ITIH4: variants seen among roughly 807,000 people sequenced by gnomAD.
The protein encoded by ITIH4 is inter-alpha-trypsin inhibitor heavy chain H4.
ITIH4 carries 79 observed loss-of-function variants against 111.8 expected under a neutral mutation model. The observed-to-expected ratio is 0.71, with a 90% confidence interval of 0.59 to 0.85. The LOEUF (loss-of-function observed/expected upper bound fraction) is 0.85, where lower values mean the gene tolerates loss of function less well. Ranked by LOEUF, ITIH4 falls within the 40% of genes least tolerant of loss-of-function variation. ITIH4 has a pLI of 0.00. For synonymous variants in ITIH4, 472 were observed against 468.3 expected, an observed-to-expected ratio of 1.01 and a Z score of -0.10; for missense variants, 1,065 against 1,195.8, an observed-to-expected ratio of 0.89 and a Z score of 1.61.
At position 52,829,265 on chromosome 3, in the gene ITIH4, G is replaced by C. The variant is rs768303822; in HGVS notation, c.105C>G (p.Ile35Met). 5.0e-6 allele frequency: 8 copies of C among 1,611,102 alleles called. No individual in the cohort carries two copies. The highest frequency in any genetic ancestry group is 6.8e-6 in the Non-Finnish European group (8 of 1,177,588). ...CCCTGGAGTCCACGGTGAGGCTGTA[G>C]ATGTCGATGCCATTCTGGACCAGCA... is the stretch of plus-strand genomic sequence containing the variant. ...TTTAEKNGID[I>M]YSLTVDSRVS... Residue 35 changes from isoleucine to methionine, a missense_variant, in exon 2 of 24, where the codon ATC becomes ATG. Physicochemically the swap from Ile to Met is conservative, Grantham distance 10. Coordinates refer to ENST00000266041, the MANE Select transcript of ITIH4 (RefSeq NM_002218.5).
chr3:52,826,821 C>T lies in ITIH4; in HGVS notation c.489G>A (p.Val163=). The T allele has an allele frequency of 6.2e-7, 1 of 1,613,826 alleles. No individual in the cohort carries two copies. The highest frequency in any genetic ancestry group is 8.5e-7 in the Non-Finnish European group (1 of 1,180,022). Residue 163 remains valine (V), a synonymous_variant, in exon 4 of 24, where the codon GTG becomes GTA. Coordinates refer to ENST00000266041, the MANE Select transcript of ITIH4 (RefSeq NM_002218.5). Reference sequence around the variant, plus strand: ...GGTGCTTGACCAGCTGCTGGGGCCGCACTTTCAGCAGCAGCTCGTACACCC... The same window carrying T: ...GGTGCTTGACCAGCTGCTGGGGCCGTACTTTCAGCAGCAGCTCGTACACCC... ...RLGVYELLLK[V]RPQQLVKHLQ...
At position 52,820,066 on chromosome 3, in the gene ITIH4, T is replaced by C. The variant is rs2535616; in HGVS notation, c.1862-76A>G. 0.033 allele frequency: 49,646 copies of C among 1,499,812 alleles called. 7,223 individuals are homozygous for C. The African/African-American group carries it at 0.36, about 11-fold the overall frequency. 92.9% of individuals were successfully genotyped at this position (1,499,812 alleles called of 1,614,324 possible). A position where few individuals can be genotyped will look rare whatever the true frequency, so the allele number is the denominator to read the frequency against. On this transcript the variant is annotated intron_variant, in intron 14 of 23. Coordinates refer to ENST00000266041, the MANE Select transcript of ITIH4 (RefSeq NM_002218.5). ...CCCCACTTGGATGGGGACTGTATTC[T>C]TAGTGCTGGGGACAGGGCCTGAGGC... is the stretch of plus-strand genomic sequence containing the variant.
intron 11 of ITIH4, 152 bp downstream of exon 11, chr3:52,823,404 T>C (rs1700421172): frequency 4.7e-6 from 3 of 639,906 alleles, no homozygotes; most frequent in Non-Finnish European, 8.1e-6. Context: ...ATCACTCCAT[T>C]GTCTCATTGA....
intron 11 of ITIH4, 29 bp downstream of exon 11, chr3:52,823,527 C>T (rs905292169): frequency 6.4e-7 from 1 of 1,552,312 alleles, no homozygotes; most frequent in Non-Finnish European, 8.8e-7. Context: ...GCTGCCATTC[C>T]CCTCCAGGGT....
rs759511256 is a variant in ITIH4 at position 52,813,424 on chromosome 3, C to G, written c.2790G>C (p.Leu930=). 1 of 1,614,068 alleles carries G rather than the reference C, an allele frequency of 6.2e-7. No individual in the cohort carries two copies. The highest frequency in any genetic ancestry group is 1.1e-5 in the South Asian group (1 of 91,076). Residue 930 remains leucine, a synonymous_variant, in exon 24 of 24, where the codon CTG becomes CTC. Transcript: ENST00000266041. ...GVEISCWSVE[L] The stretch of plus-strand genomic sequence containing the variant: ...GGCACAGCTCCTTCCATCAGAACTA[C>G]AGCTCCACAGACCAGCAGGAAATCT...
rs771295261 is a variant in ITIH4, at chr3:52,826,030, G to A, written c.631-16C>T. On this transcript the variant is annotated splice_polypyrimidine_tract_variant and intron_variant, in intron 5 of 23. Coordinates refer to ENST00000266041, the MANE Select transcript of ITIH4 (RefSeq NM_002218.5). ...GGATGTGAGCCTGGAGGAATAATCC[G>A]GGCTGAAGTTGGGAGGAACAGCAAA... The A allele has an allele frequency of 4.3e-6, 7 of 1,613,572 alleles. No homozygotes were observed. The highest frequency in any genetic ancestry group is 1.7e-5 in the Admixed American group (1 of 59,970).
chr3:52,827,199 T>G lies in ITIH4; in HGVS notation c.252-2A>C. On this transcript the variant is annotated splice_acceptor_variant, in intron 2 of 23. Transcript: ENST00000266041. LOFTEE classifies it high-confidence loss of function. ...GGGTAGGTCATGCCATCGATGATCCTGGGGGCAGAAGGGTGGGAGTTGTTG... is the reference window on the plus strand; with the variant it reads ...GGGTAGGTCATGCCATCGATGATCCGGGGGGCAGAAGGGTGGGAGTTGTTG... 6.2e-7 allele frequency: 1 copy of G among 1,612,208 alleles called. No individual in the cohort carries two copies. The highest frequency in any genetic ancestry group is 8.5e-7 in the Non-Finnish European group (1 of 1,178,360).
intron 16 of ITIH4, 116 bp from the exon 17 acceptor site, chr3:52,819,634 C>T: frequency 6.3e-7 from 1 of 1,576,254 alleles, no homozygotes; most frequent in South Asian, 1.1e-5. Context: ...CCCCTCTCCC[C>T]ACACCCGGCC....
At chr3:52,827,552 A>G (rs1700504404) in intron 2 of ITIH4, among the ~76,000 whole-genome samples, 1 of 152,134 alleles carries the variant, frequency 6.6e-6, no homozygotes, top group Non-Finnish European at 1.5e-5. Flanking sequence ...TGCCCCTTCC[A>G]TTTCACGGAC....
chr3:52,829,251 A>C lies in ITIH4; in HGVS notation c.119T>G (p.Val40Gly), dbSNP rs1317033774. ...KNGIDIYSLTVDSRVSSRFAH... is the reference protein window; with the variant it reads ...KNGIDIYSLTGDSRVSSRFAH... ...AAATCGGGATGAGACCCTGGAGTCC[A>C]CGGTGAGGCTGTAGATGTCGATGCC... Residue 40 changes from valine (V) to glycine (G), a missense_variant, in exon 2 of 24, where the codon GTG (valine) becomes GGG (glycine). Coordinates refer to ENST00000266041, the MANE Select transcript of ITIH4 (RefSeq NM_002218.5). 3 of 1,612,568 alleles carry C rather than the reference A, an allele frequency of 1.9e-6. No homozygotes were observed. The highest frequency in any genetic ancestry group is 2.5e-6 in the Non-Finnish European group (3 of 1,178,736).
At chr3:52,816,025 C>T (rs1465007308) in intron 21 of ITIH4, among the ~76,000 whole-genome samples, 4 of 152,176 alleles carry the variant, frequency 2.6e-5, no homozygotes, top group East Asian at 1.9e-4. Context: ...TGGGTGAGCC[C>T]TTGGATAAGC....
At chr3:52,817,955 G>A in intron 20 of ITIH4, 97 bp downstream of exon 20, 1 of 926,280 alleles carries the variant, frequency 1.1e-6, no homozygotes, top group Non-Finnish European at 1.8e-6. Flanking sequence ...GGAGGGGCCT[G>A]TGTGGGGCCA....
At position 52,823,604 on chromosome 3, in the gene ITIH4, G is replaced by A. The variant is rs369940396; in HGVS notation, c.1491C>T (p.Leu497=). The stretch of plus-strand genomic sequence containing the variant: ...TGAGCACATCAGGCCCCCGGTCCTG[G>A]AGCTTCCCAGCCACCACCATCTCTG... The part of the protein sequence containing the change: ...KGSEMVVAGK[L]QDRGPDVLTA... The change falls in exon 11 of 24, where the codon CTC becomes CTT. Residue 497 remains leucine (L), a synonymous_variant. Transcript: ENST00000266041. The A allele has an allele frequency of 1.1e-5, 17 of 1,613,870 alleles. No individual in the cohort carries two copies. The African/African-American group carries it at 1.2e-4, about 11-fold the overall frequency.
rs1700542282 is a variant in ITIH4 at position 52,829,974 on chromosome 3, TTG to T, written c.90+577_90+578del. The T allele has an allele frequency of 1.7e-5, 4 of 231,180 alleles. 1 individual carries two copies. The South Asian group carries it at 2.4e-4, about 14-fold the overall frequency. The allele number at this position is 231,180 out of a possible 1,614,324, so 14.3% of individuals were successfully genotyped here. On this transcript the variant is annotated intron_variant, in intron 1 of 23. Transcript: ENST00000266041. ...GGGCACACGGGCACCTCTTACCTGC[TTG>T]TGTGTGACATGCTCATGCGCACTGC...
At position 52,814,189 on chromosome 3, in the gene ITIH4, C is replaced by G. The variant is rs1331918180; in HGVS notation, c.2626+20G>C. 6.8e-6 allele frequency: 11 copies of G among 1,609,788 alleles called. No homozygotes were observed. The highest frequency in any genetic ancestry group is 9.3e-6 in the Non-Finnish European group (11 of 1,177,594). On this transcript the variant is annotated intron_variant, in intron 22 of 23. Transcript: ENST00000266041. ...GCTGGTTTCTGAGGAAGGCCTGGGC[C>G]CCGGTAATGGGCTCAGTACCAAGGG... is the stretch of plus-strand genomic sequence containing the variant.
chr3:52,820,381 T>C, intron 13 of ITIH4, 64 bp from the exon 14 acceptor site: 1 of 1,556,298 alleles, frequency 6.4e-7, no homozygotes, highest in Non-Finnish European at 8.8e-7. Context: ...ACCGTCAGGG[T>C]GGTTTTCATC....
In ITIH4 at chr3:52,813,418, G is replaced by T. The variant is rs766245102; in HGVS notation, c.*3C>A. ...AGGGTGGGCACAGCTCCTTCCATCA[G>T]AACTACAGCTCCACAGACCAGCAGG... On this transcript the variant is annotated 3_prime_UTR_variant, in exon 24 of 24. Coordinates refer to ENST00000266041, the MANE Select transcript of ITIH4 (RefSeq NM_002218.5). 5 of 1,613,854 alleles carry T rather than the reference G, an allele frequency of 3.1e-6. No individual in the cohort carries two copies. The highest frequency in any genetic ancestry group is 4.2e-6 in the Non-Finnish European group (5 of 1,179,878).
rs1700335640 is a variant in ITIH4 at position 52,819,442 on chromosome 3, A to T, written c.2028T>A (p.Pro676=). Residue 676 remains proline, a synonymous_variant, in exon 17 of 24, where the codon CCT becomes CCA. Coordinates refer to ENST00000266041, the MANE Select transcript of ITIH4 (RefSeq NM_002218.5). The part of the protein sequence containing the change: ...SSRQLGLPGP[P]DVPDHAAYHP... ...GGTAAGCAGCATGGTCAGGAACATC[A>T]GGAGGTCCTGGGAGTCCAAGTTGCC... is the stretch of plus-strand genomic sequence containing the variant. 4.3e-6 allele frequency: 7 copies of T among 1,614,144 alleles called. No individual in the cohort carries two copies. Among genetic ancestry groups the T allele is most frequent in the African/African-American group, 1.3e-5 (1 of 75,070 alleles).
At chr3:52,820,068 A>T in intron 14 of ITIH4, 78 bp from the exon 15 acceptor site, 1 of 1,485,780 alleles carries the variant, frequency 6.7e-7, no homozygotes, top group Non-Finnish European at 9.4e-7. Flanking sequence ...CTGTATTCTT[A>T]GTGCTGGGGA....
Sources: allele counts gnomAD v4.1 joint callset (sites outside exome capture counted in the v4.1 genomes callset), GRCh38; gene constraint gnomAD v4.1.1; transcripts MANE v1.5; gene names NCBI Gene and HGNC (gene_info 2026-07-23, HGNC 2026-07-21).